The following LYPLA1 variants were observed in gnomAD, a reference collection of about 807,000 sequenced individuals.
The protein encoded by LYPLA1 is lysophospholipase 1, also known as acyl-protein thioesterase 1.
In LYPLA1, 17 loss-of-function variants were observed where a neutral mutation model predicts 34.0. The ratio of observed to expected loss-of-function variants is 0.50; its 90% CI spans 0.34 to 0.75. The LOEUF (loss-of-function observed/expected upper bound fraction) is 0.75, where lower values mean the gene tolerates loss of function less well. Ranked by LOEUF, LYPLA1 falls within the 30% of genes least tolerant of loss-of-function variation. LYPLA1 has a pLI of 0.01. For synonymous variants in LYPLA1, 98 were observed against 100.8 expected (o/e 0.97, Z 0.17); for missense variants, 203 against 288.8 (o/e 0.70, Z 2.15).
At chr8:54,100,796 G>T in intron 2 of LYPLA1, 112 bp downstream of exon 2, 2 of 846,422 alleles carry the variant, frequency 2.4e-6, no homozygotes, top group Admixed American at 2.1e-5. Flanking sequence ...ACATTAACTG[G>T]CAATCTTAAA....
At position 54,047,977 on chromosome 8, in the gene LYPLA1, T is replaced by G. The variant is rs765206207; in HGVS notation, c.*88A>C. 1.8e-5 allele frequency: 16 copies of G among 871,908 alleles called. No individual in the cohort carries two copies. The highest frequency in any genetic ancestry group is 4.3e-5 in the Admixed American group (2 of 46,776). 54.0% of individuals were successfully genotyped at this position (871,908 alleles called of 1,614,324 possible). A position where few individuals can be genotyped will look rare whatever the true frequency, so the allele number is the denominator to read the frequency against. On this transcript the variant is annotated 3_prime_UTR_variant, in exon 9 of 9. Transcript: ENST00000316963. ...CAAAACATTTTAACACTGCAAAACA[T>G]TAGAAATTTGAAGACTGGGCATGGG...
At chr8:54,079,423 G>A (rs1282617587) in intron 2 of LYPLA1, among the ~76,000 whole-genome samples, 3 of 152,062 alleles carry the variant, frequency 2.0e-5, no homozygotes, top group South Asian at 2.1e-4. Flanking sequence ...TTCCTAGATC[G>A]TGGGCCCAGA....
At chr8:54,043,087 A>C (rs1805413891), downstream of LYPLA1, 1 of 152,108 alleles carries the variant, frequency 6.6e-6, no homozygotes, top group African/African-American at 2.4e-5. Flanking sequence ...TCCAGAGATG[A>C]GGTCTCACTC....
chr8:54,063,498 T>C, intron 3 of LYPLA1, 123 bp from the exon 4 acceptor site: 3 of 685,000 alleles, frequency 4.4e-6, no homozygotes, highest in Non-Finnish European at 7.6e-6. Flanking sequence ...AGTTTTAACA[T>C]ATGAACTGTT....
intron 7 of LYPLA1, among the ~76,000 whole-genome samples, chr8:54,051,397 T>C (rs1805835033): frequency 6.6e-6 from 1 of 152,210 alleles, no homozygotes; most frequent in Non-Finnish European, 1.5e-5. Context: ...TTATAATATA[T>C]ATCTTCCCAG....
At chr8:54,044,909 G>A (rs1193462133), downstream of LYPLA1, 2 of 152,094 alleles carry the variant, frequency 1.3e-5, no homozygotes, top group African/African-American at 4.8e-5. Flanking sequence ...GTACTTTATG[G>A]TGAGCTGATT....
intron 3 of LYPLA1, 129 bp downstream of exon 3, chr8:54,065,619 C>T: frequency 1.7e-6 from 1 of 588,072 alleles, no homozygotes; most frequent in Non-Finnish European, 2.9e-6. Context: ...TTCTACTAAT[C>T]TTTATTTTTA....
rs766980617 is a variant in LYPLA1 at position 54,082,875 on chromosome 8, C to T, written c.102-17062G>A. Among the ~76,000 whole-genome samples the T allele has an allele frequency of 4.6e-5, 7 of 152,058 alleles. No individual in the cohort carries two copies. In the South Asian group the frequency reaches 8.3e-4, roughly 18 times the overall value. ...CCAAGTAGCTGGGACTACAGGTACC[C>T]GCCACTACGCCTGGCTAATTTTTTG... On this transcript the variant is annotated intron_variant, in intron 2 of 8. Transcript: ENST00000316963.
chr8:54,045,823 G>A (rs1338641652), downstream of LYPLA1, among the ~76,000 whole-genome samples: 2 of 152,242 alleles, frequency 1.3e-5, no homozygotes, highest in African/African-American at 4.8e-5. Flanking sequence ...CACTTTGGGA[G>A]GCTGAAGCGA....
chr8:54,091,715 G>A (rs1017267901), intron 2 of LYPLA1, among the ~76,000 whole-genome samples: 2 of 152,154 alleles, frequency 1.3e-5, no homozygotes, highest in African/African-American at 4.8e-5. Context: ...TGTGGTCACA[G>A]ACAGTTCCGT....
At chr8:54,061,840 T>G (rs1453041955) in intron 5 of LYPLA1, among the ~76,000 whole-genome samples, 2 of 151,768 alleles carry the variant, frequency 1.3e-5, no homozygotes, top group African/African-American at 4.8e-5. Flanking sequence ...ATAAATGTGG[T>G]TTTTTTTGGT....
chr8:54,066,795 G>GA (rs963776221), intron 2 of LYPLA1, among the ~76,000 whole-genome samples: 1 of 146,566 alleles, frequency 6.8e-6, no homozygotes, highest in South Asian at 2.2e-4. Context: ...AAAAAGAAAA[G>GA]AAAAAAAAGA....
intron 2 of LYPLA1, among the ~76,000 whole-genome samples, chr8:54,084,137 A>ATATATATATATATATATATAT (rs1563642470): frequency 5.8e-5 from 7 of 120,136 alleles, no homozygotes; most frequent in African/African-American, 2.8e-4. Context: ...AAAAAAAATA[A>ATATATATATATATATATATAT]ATAAATATAT....
intron 2 of LYPLA1, among the ~76,000 whole-genome samples, chr8:54,091,581 A>AAAGGAAGG (rs200125817): frequency 0.018 from 2,546 of 142,286 alleles, 34 homozygotes; most frequent in Admixed American, 0.025. Context: ...GAAAGAAAGA[A>AAAGGAAGG]AAGGAAGGAA....
intron 7 of LYPLA1, among the ~76,000 whole-genome samples, chr8:54,052,110 C>T (rs1224493378): frequency 6.6e-6 from 1 of 151,398 alleles, no homozygotes; most frequent in Non-Finnish European, 1.5e-5. Flanking sequence ...CTCAGCCTCC[C>T]AAAGTGCTGG....
At chr8:54,089,363 T>C (rs1180730825) in intron 2 of LYPLA1, among the ~76,000 whole-genome samples, 1 of 152,130 alleles carries the variant, frequency 6.6e-6, no homozygotes, top group Admixed American at 6.6e-5. Context: ...AGTATGTTGT[T>C]ATAATTATTC....
At chr8:54,082,341 T>C (rs1808385157) in intron 2 of LYPLA1, among the ~76,000 whole-genome samples, 2 of 152,088 alleles carry the variant, frequency 1.3e-5, no homozygotes, top group South Asian at 4.1e-4. Context: ...TTATTACAAT[T>C]AGGGGAGAAA....
intron 7 of LYPLA1, among the ~76,000 whole-genome samples, chr8:54,051,900 G>C (rs1479039035): frequency 6.6e-6 from 1 of 150,606 alleles, no homozygotes; most frequent in African/African-American, 2.4e-5. Context: ...ACCCAGGCTG[G>C]AGTGAAGTGG....
chr8:54,049,760 T>G (rs1805722825), intron 8 of LYPLA1, among the ~76,000 whole-genome samples: 1 of 152,168 alleles, frequency 6.6e-6, no homozygotes, highest in Non-Finnish European at 1.5e-5. Context: ...TTCCTACTCT[T>G]CTTCCTGTTT....
Sources: gnomAD v4.1 joint callset for allele counts (sites outside exome capture counted in the v4.1 genomes callset) on GRCh38, gnomAD v4.1.1 for gene constraint, MANE v1.5 for transcripts, NCBI Gene and HGNC (gene_info 2026-07-23, HGNC 2026-07-21) for gene names.